Variants in MACROD2 observed in about 807,000 individuals in gnomAD.
The protein encoded by MACROD2 is mono-ADP ribosylhydrolase 2, also known as ADP-ribose glycohydrolase MACROD2.
In MACROD2, 36 loss-of-function variants were observed where a neutral mutation model predicts 70.4. The observed-to-expected ratio is 0.51, with a 90% CI of 0.39 to 0.68. The LOEUF is 0.68. MACROD2 is among the 30% of genes least tolerant of loss of function. The pLI is 0.00. For missense variants in MACROD2, 496 were observed against 538.4 expected (o/e 0.92, Z 0.78); for synonymous variants, 172 against 178.8 (o/e 0.96, Z 0.30).
intron 8 of MACROD2, among the ~76,000 whole-genome samples, chr20:15,518,946 G>A (rs1320026303): frequency 6.6e-6 from 1 of 152,184 alleles, no homozygotes; most frequent in Non-Finnish European, 1.5e-5. Context: ...GTTTTGCTAA[G>A]TGTTTATGTT....
chr20:14,374,397 G>A (rs1335344925), intron 3 of MACROD2, among the ~76,000 whole-genome samples: 1 of 152,100 alleles, frequency 6.6e-6, no homozygotes, highest in East Asian at 1.9e-4. Flanking sequence ...GCATTGTAAG[G>A]TCAAGCTTTG....
At chr20:15,402,331 A>G (rs2045941539) in intron 6 of MACROD2, among the ~76,000 whole-genome samples, 1 of 152,202 alleles carries the variant, frequency 6.6e-6, no homozygotes. Context: ...ATAACTGCCT[A>G]AATAGTAAGC....
chr20:14,264,324 C>T (rs560709690), intron 3 of MACROD2, among the ~76,000 whole-genome samples: 2 of 152,102 alleles, frequency 1.3e-5, no homozygotes, highest in African/African-American at 4.8e-5. Flanking sequence ...AGTATGTTGT[C>T]ATTTAAGATT....
chr20:14,946,399 G>GA (rs745418533), intron 5 of MACROD2, among the ~76,000 whole-genome samples: 8 of 151,880 alleles, frequency 5.3e-5, no homozygotes, highest in Non-Finnish European at 7.4e-5. Flanking sequence ...ATATATATCA[G>GA]AAAAAATTAC....
chr20:16,033,120 A>G (rs1418634165), intron 15 of MACROD2, among the ~76,000 whole-genome samples: 2 of 152,134 alleles, frequency 1.3e-5, no homozygotes, highest in Non-Finnish European at 1.5e-5. Flanking sequence ...TAAAGTTTTT[A>G]TATGGAATCT....
chr20:14,368,024 A>G (rs1417173856), intron 3 of MACROD2, among the ~76,000 whole-genome samples: 1 of 152,064 alleles, frequency 6.6e-6, no homozygotes, highest in African/African-American at 2.4e-5. Context: ...TATTTCCAGA[A>G]TATCTGTTTA....
chr20:13,998,428 C>A (rs1371080401), intron 1 of MACROD2, among the ~76,000 whole-genome samples: 1 of 151,974 alleles, frequency 6.6e-6, no homozygotes, highest in African/African-American at 2.4e-5. Context: ...CTGTATGTAC[C>A]TTTTGACATT....
At chr20:14,985,685 C>CTTT (rs57486090) in intron 5 of MACROD2, among the ~76,000 whole-genome samples, 1,555 of 115,332 alleles carry the variant, frequency 0.013, 35 homozygotes, top group African/African-American at 0.043. Context: ...TTCTCTTATT[C>CTTT]TTTTTTTTTT....
intron 3 of MACROD2, among the ~76,000 whole-genome samples, chr20:14,146,029 A>G (rs1415794149): frequency 2.0e-5 from 3 of 152,054 alleles, no homozygotes; most frequent in Non-Finnish European, 4.4e-5. Flanking sequence ...CCCTTTAAAG[A>G]TTTCTGTAAG....
chr20:15,710,208 A>AC (rs2050605412), intron 8 of MACROD2, among the ~76,000 whole-genome samples: 1 of 151,834 alleles, frequency 6.6e-6, no homozygotes, highest in Non-Finnish European at 1.5e-5. Flanking sequence ...AAAAAAAAAA[A>AC]AAAAACAATT....
At chr20:14,657,908 A>G in intron 4 of MACROD2, among the ~76,000 whole-genome samples, 1 of 152,046 alleles carries the variant, frequency 6.6e-6, no homozygotes, top group East Asian at 1.9e-4. Context: ...GTCTTCTAAA[A>G]TGACTGTGTG....
At chr20:15,488,060 A>T (rs1401191960) in intron 7 of MACROD2, among the ~76,000 whole-genome samples, 1 of 152,144 alleles carries the variant, frequency 6.6e-6, no homozygotes, top group Non-Finnish European at 1.5e-5. Context: ...TGTGTCCCTG[A>T]AAGGGGTCCT....
Position 15,368,072 on chromosome 20 carries a change from G to T in MACROD2, c.541-63333G>T, listed in dbSNP as rs574031583. ...AAATATATTGTAGGGAACACTACTAGTATCTTGAGATGAAATTGTCATATG... is the reference window on the plus strand; with the variant it reads ...AAATATATTGTAGGGAACACTACTATTATCTTGAGATGAAATTGTCATATG... On this transcript the variant is annotated intron_variant, in intron 6 of 17. Coordinates refer to ENST00000684519, the MANE Select transcript of MACROD2 (RefSeq NM_001351661.2). 4.6e-5 allele frequency among the ~76,000 whole-genome samples: 7 copies of T among 152,160 alleles called. No homozygotes were observed. The South Asian group carries it at 1.5e-3, about 32-fold the overall frequency.
intron 3 of MACROD2, among the ~76,000 whole-genome samples, chr20:14,401,006 C>G (rs2083632108): frequency 6.6e-6 from 1 of 152,146 alleles, no homozygotes; most frequent in Non-Finnish European, 1.5e-5. Context: ...CCACATCGGT[C>G]TATACAGACT....
chr20:15,398,712 T>G (rs147519367), intron 6 of MACROD2, among the ~76,000 whole-genome samples: 1 of 152,358 alleles, frequency 6.6e-6, no homozygotes, highest in Admixed American at 6.5e-5. Context: ...TTGTGTTGGT[T>G]GTGGCTTCAT....
intron 5 of MACROD2, among the ~76,000 whole-genome samples, chr20:14,875,260 AGTT>A (rs2073537162): frequency 6.6e-6 from 1 of 151,930 alleles, no homozygotes. Flanking sequence ...ACGTGCCTGT[AGTT>A]CCAACTACTT....
At chr20:15,664,408 G>T (rs1024574289) in intron 8 of MACROD2, among the ~76,000 whole-genome samples, 1 of 152,206 alleles carries the variant, frequency 6.6e-6, no homozygotes, top group African/African-American at 2.4e-5. Flanking sequence ...CTTGTAGTAG[G>T]TAATTGAGAT....
chr20:14,211,586 G>T (rs773649401), intron 3 of MACROD2, among the ~76,000 whole-genome samples: 2 of 152,160 alleles, frequency 1.3e-5, no homozygotes, highest in South Asian at 2.1e-4. Flanking sequence ...AGTATAGATT[G>T]TAAGTATGCA....
At chr20:14,848,188 A>G (rs1456577991) in intron 5 of MACROD2, among the ~76,000 whole-genome samples, 1 of 152,198 alleles carries the variant, frequency 6.6e-6, no homozygotes, top group African/African-American at 2.4e-5. Context: ...ATGCTTCCCT[A>G]TAGCTTGTTC....
Sources: allele counts gnomAD v4.1 joint callset (sites outside exome capture counted in the v4.1 genomes callset), GRCh38; gene constraint gnomAD v4.1.1; transcripts MANE v1.5; gene names NCBI Gene and HGNC (gene_info 2026-07-23, HGNC 2026-07-21).